RSPH14: variants seen among roughly 807,000 people sequenced by gnomAD.
The protein encoded by RSPH14 is rhabdoid tumor deletion region gene 1.
RSPH14 carries 20 observed loss-of-function variants against 26.7 expected under a neutral mutation model. That is an observed-to-expected ratio of 0.75 (90% CI 0.53 to 1.09). The LOEUF (loss-of-function observed/expected upper bound fraction) is 1.09, where lower values mean the gene tolerates loss of function less well. RSPH14 is among the 50% of genes least tolerant of loss of function. The probability of loss-of-function intolerance (pLI) is 0.00; values close to 1 mark genes in which losing one functional copy is unlikely to be tolerated. For synonymous variants in RSPH14, 177 were observed against 189.3 expected (o/e 0.93, Z 0.53); for missense variants, 449 against 457.2 (o/e 0.98, Z 0.16).
chr22:23,129,258 C>T (rs1471517397), intron 4 of RSPH14, among the ~76,000 whole-genome samples: 2 of 152,194 alleles, frequency 1.3e-5, no homozygotes, highest in East Asian at 3.8e-4. Flanking sequence ...TCCCTCTGCT[C>T]ATTGTCCAAC....
intron 6 of RSPH14, among the ~76,000 whole-genome samples, chr22:23,060,840 T>C (rs1263910994): frequency 2.6e-5 from 4 of 152,196 alleles, no homozygotes; most frequent in Non-Finnish European, 2.9e-5. Context: ...GAGTGCCAGC[T>C]TGGGAATAAG....
rs775859719 is a variant in RSPH14 at position 23,063,917 on chromosome 22, G to C, written c.638C>G (p.Ala213Gly). Residue 213 changes from alanine (A) to glycine (G), a missense_variant, in exon 5 of 7, where the codon GCG becomes GGG. Coordinates refer to ENST00000216036, the MANE Select transcript of RSPH14 (RefSeq NM_014433.3). ...CAGGCCTCACCTGACATTAAGGAGC[G>C]CACGGGCGGCCTTGCTGCGGATGTT... ...NQNIRSKAAR[A>G]LLNVSISREG... The C allele has an allele frequency of 3.1e-6, 5 of 1,613,992 alleles. No homozygotes were observed. Among genetic ancestry groups the C allele is most frequent in the Non-Finnish European group, 4.2e-6 (5 of 1,179,998 alleles).
the RSPH14 span, chr22:23,152,981 C>T: frequency 3.6e-5 from 47 of 1,303,826 alleles, no homozygotes; most frequent in South Asian, 3.6e-4. Context: ...GTGAAGCTTC[C>T]GGGCACATTT....
intron 4 of RSPH14, chr22:23,131,270 A>G (rs953409764): frequency 1.2e-5 from 2 of 163,288 alleles, no homozygotes; most frequent in African/African-American, 4.8e-5. Flanking sequence ...ATCCACTTAC[A>G]TAGTTTTAAA....
chr22:23,157,414 C>T, the RSPH14 span, among the ~76,000 whole-genome samples: 1 of 152,078 alleles, frequency 6.6e-6, no homozygotes, highest in Non-Finnish European at 1.5e-5. Context: ...CCACACCCAG[C>T]TAATTTTTTT....
intron 4 of RSPH14, among the ~76,000 whole-genome samples, chr22:23,084,771 G>A (rs1048971973): frequency 1.3e-5 from 2 of 152,220 alleles, no homozygotes; most frequent in African/African-American, 2.4e-5. Flanking sequence ...GGATGCCACA[G>A]ACAGTGTCGT....
chr22:23,133,057 C>T (rs1201764642), intron 4 of RSPH14: 1 of 152,124 alleles, frequency 6.6e-6, no homozygotes, highest in Non-Finnish European at 1.5e-5. Context: ...CTTCTAAAAG[C>T]TGAACATAAT....
At chr22:23,130,064 AAAGAAAGAAAGAAAGAAAGGAAGAAAG>A (rs2070282709) in intron 4 of RSPH14, among the ~76,000 whole-genome samples, 2 of 36,068 alleles carry the variant, frequency 5.5e-5, no homozygotes, top group African/African-American at 2.6e-4. Flanking sequence ...AAAGAAAAAG[AAAGAAAGAAAGAAAGAAAGGAAGAAAG>A]AAAGAAAGAA....
At chr22:23,103,612 A>C (rs1334910325) in intron 4 of RSPH14, among the ~76,000 whole-genome samples, 1 of 152,184 alleles carries the variant, frequency 6.6e-6, no homozygotes, top group Non-Finnish European at 1.5e-5. Context: ...ATTTAAGAGA[A>C]TCCTACTCCA....
chr22:23,177,145 C>G, the RSPH14 span, among the ~76,000 whole-genome samples: 1 of 152,254 alleles, frequency 6.6e-6, no homozygotes, highest in African/African-American at 2.4e-5. Flanking sequence ...CCAGCCTCAT[C>G]TCCCAACCTG....
the RSPH14 span, chr22:23,152,433 G>A: frequency 1.6e-5 from 26 of 1,613,610 alleles, no homozygotes; most frequent in Admixed American, 2.7e-4. Flanking sequence ...AGGCATGCCC[G>A]ACGGCAACAC....
chr22:23,166,019 A>G, the RSPH14 span, among the ~76,000 whole-genome samples: 15 of 151,884 alleles, frequency 9.9e-5, no homozygotes, highest in South Asian at 2.9e-3. Context: ...GGTGGCACGC[A>G]CCTGTAGTCC....
the RSPH14 span, among the ~76,000 whole-genome samples, chr22:23,158,708 C>T: frequency 5.8e-4 from 88 of 152,280 alleles, no homozygotes; most frequent in African/African-American, 2.0e-3. Context: ...GTATTCCCAC[C>T]CCTTTGGGTC....
intron 4 of RSPH14, among the ~76,000 whole-genome samples, chr22:23,096,807 C>A (rs2069138416): frequency 6.6e-6 from 1 of 152,226 alleles, no homozygotes; most frequent in African/African-American, 2.4e-5. Context: ...GCAAATCTGG[C>A]AGAGATGGGG....
intron 2 of RSPH14, among the ~76,000 whole-genome samples, 180 bp downstream of exon 2, chr22:23,140,042 T>G (rs1397879614): frequency 2.0e-5 from 3 of 152,238 alleles, no homozygotes; most frequent in Non-Finnish European, 4.4e-5. Context: ...GTCTGGGAGA[T>G]GGCAAGACCC....
At chr22:23,178,351 G>A in the RSPH14 span, among the ~76,000 whole-genome samples, 2 of 151,766 alleles carry the variant, frequency 1.3e-5, no homozygotes, top group Non-Finnish European at 2.9e-5. Flanking sequence ...AGGAGGCAGA[G>A]GTTGCGGTGA....
the RSPH14 span, among the ~76,000 whole-genome samples, chr22:23,177,482 G>A: frequency 6.6e-6 from 1 of 152,156 alleles, no homozygotes; most frequent in Admixed American, 6.5e-5. Flanking sequence ...CTGTGACCTT[G>A]CAGAGTTTAG....
chr22:23,144,602 C>T (rs780293491), upstream of RSPH14, among the ~76,000 whole-genome samples: 5 of 151,836 alleles, frequency 3.3e-5, no homozygotes, highest in Non-Finnish European at 5.9e-5. Context: ...CCTGTAGTCC[C>T]AAGGACTGGG....
intron 4 of RSPH14, among the ~76,000 whole-genome samples, chr22:23,109,751 T>A (rs2069591995): frequency 6.6e-6 from 1 of 152,140 alleles, no homozygotes; most frequent in Admixed American, 6.5e-5. Context: ...GCTAGAGGAA[T>A]GGAAACAGCT....
Sources: allele counts gnomAD v4.1 joint callset (sites outside exome capture counted in the v4.1 genomes callset), GRCh38; gene constraint gnomAD v4.1.1; transcripts MANE v1.5; gene names NCBI Gene and HGNC (gene_info 2026-07-23, HGNC 2026-07-21).